The following MSTO1 variants were observed in gnomAD, a reference collection of about 807,000 sequenced individuals.
The protein encoded by MSTO1 is misato mitochondrial distribution and morphology regulator 1.
In MSTO1, 24 loss-of-function variants were observed where a neutral mutation model predicts 55.7. The ratio of observed to expected loss-of-function variants is 0.43; its 90% confidence interval spans 0.31 to 0.61. The LOEUF (loss-of-function observed/expected upper bound fraction) is 0.61. Among genes scored for constraint, MSTO1 ranks in the 20% least tolerant of loss-of-function variants. The pLI is 0.09. For missense variants in MSTO1, 363 were observed against 625.7 expected (o/e 0.58, Z 4.48); for synonymous variants, 162 against 252.8 (o/e 0.64, Z 3.41).
At chr1:155,576,069 G>C in the MSTO1 span, among the ~76,000 whole-genome samples, 3 of 151,972 alleles carry the variant, frequency 2.0e-5, no homozygotes, top group Non-Finnish European at 4.4e-5. Context: ...TGATCCGCCT[G>C]CTTCGGCCTC....
At chr1:155,567,335 G>A in the MSTO1 span, among the ~76,000 whole-genome samples, 1 of 142,428 alleles carries the variant, frequency 7.0e-6, no homozygotes, top group South Asian at 2.2e-4. Flanking sequence ...TTTTTGAGAC[G>A]GAGTCTCGTT....
the MSTO1 span, among the ~76,000 whole-genome samples, chr1:155,565,209 C>T: frequency 1.3e-4 from 20 of 150,276 alleles, 1 homozygote; most frequent in African/African-American, 4.2e-4. Context: ...GCAGGAGAGT[C>T]GCTTGAACCC....
chr1:155,585,103 G>C, the MSTO1 span, among the ~76,000 whole-genome samples: 1 of 152,094 alleles, frequency 6.6e-6, no homozygotes, highest in Admixed American at 6.6e-5. Flanking sequence ...TTGATTATAA[G>C]GTCAGGGACT....
chr1:155,597,596 G>A, the MSTO1 span, among the ~76,000 whole-genome samples: 2 of 150,796 alleles, frequency 1.3e-5, no homozygotes, highest in East Asian at 2.0e-4. Flanking sequence ...TGCAACCTCC[G>A]CCTCCCGGGT....
the MSTO1 span, among the ~76,000 whole-genome samples, chr1:155,586,306 G>A: frequency 4.0e-5 from 6 of 150,328 alleles, no homozygotes; most frequent in African/African-American, 1.5e-4. Flanking sequence ...GCCTCCCTAA[G>A]TGCTGGGATT....
chr1:155,612,388 G>A (rs1159544635), intron 8 of MSTO1, 30 bp from the exon 9 acceptor site: 1 of 1,597,700 alleles, frequency 6.3e-7, no homozygotes, highest in East Asian at 2.2e-5. Context: ...TGGGAGAGCT[G>A]CTTAATACAA....
the MSTO1 span, among the ~76,000 whole-genome samples, chr1:155,595,124 C>T: frequency 1.5e-5 from 2 of 135,056 alleles, no homozygotes; most frequent in Non-Finnish European, 3.1e-5. Flanking sequence ...GGCGACAGAG[C>T]GAGATTCTGT....
In MSTO1 at chr1:155,612,584, C is replaced by G; in HGVS notation, c.966+14C>G. 2 of 1,601,420 alleles carry G rather than the reference C, an allele frequency of 1.2e-6. No individual in the cohort carries two copies. The highest frequency in any genetic ancestry group is 8.5e-7 in the Non-Finnish European group (1 of 1,174,896). ...CTGCATTATGATGTAAGTCTCGGTG[C>G]TCTTGTTCTGACTGCGGCAGGCTAC... On this transcript the variant is annotated intron_variant, in intron 9 of 13. Transcript: ENST00000245564.
In MSTO1 at chr1:155,610,764, CAGTG is replaced by C. The variant is rs1472290594; in HGVS notation, c.220+207_220+210del. On this transcript the variant is annotated intron_variant, in intron 2 of 13. Transcript: ENST00000245564. ...GGAATAGGCTGCTAGGCCCTGGAGACAGTGAGGACTTGAACTGCAGCACTCCTGT... is the reference window on the plus strand; with the variant it reads ...GGAATAGGCTGCTAGGCCCTGGAGACAGGACTTGAACTGCAGCACTCCTGT... 8.4e-6 allele frequency: 4 copies of C among 475,242 alleles called. No individual in the cohort carries two copies. In the African/African-American group the frequency reaches 1.0e-4, roughly 12 times the overall value. 29.4% of individuals were successfully genotyped at this position (475,242 alleles called of 1,614,324 possible). A position where few individuals can be genotyped will look rare whatever the true frequency, so the allele number is the denominator to read the frequency against.
At chr1:155,588,157 C>T in the MSTO1 span, among the ~76,000 whole-genome samples, 1 of 150,236 alleles carries the variant, frequency 6.7e-6, no homozygotes, top group Non-Finnish European at 1.5e-5. Context: ...TGCAGTGAGC[C>T]GTGACTGAGC....
the MSTO1 span, among the ~76,000 whole-genome samples, chr1:155,578,140 G>C: frequency 6.6e-6 from 1 of 151,944 alleles, no homozygotes; most frequent in Admixed American, 6.6e-5. Context: ...TGTGTTCTCC[G>C]TATGAAGCAC....
At chr1:155,607,236 G>A (rs184206660), upstream of MSTO1, among the ~76,000 whole-genome samples, 4 of 151,798 alleles carry the variant, frequency 2.6e-5, no homozygotes, top group Admixed American at 6.6e-5. Context: ...GTGCTATGGC[G>A]CGATCTTGGC....
chr1:155,594,530 CTTGAA>C, the MSTO1 span, among the ~76,000 whole-genome samples: 6 of 152,066 alleles, frequency 3.9e-5, no homozygotes, highest in Admixed American at 1.3e-4. Flanking sequence ...AAACTAGAAA[CTTGAA>C]TTGAAGTCAT....
the MSTO1 span, among the ~76,000 whole-genome samples, chr1:155,590,195 G>C: frequency 1.3e-5 from 2 of 152,134 alleles, no homozygotes; most frequent in East Asian, 3.9e-4. Context: ...AGCTCCAGAG[G>C]CCTGAGTACG....
chr1:155,611,380 A>C (rs1323790026), intron 4 of MSTO1, 89 bp downstream of exon 4: 1 of 1,612,056 alleles, frequency 6.2e-7, no homozygotes, highest in Non-Finnish European at 8.5e-7. Context: ...TAATCATTTT[A>C]AGTGTCTTAG....
chr1:155,586,994 T>C, the MSTO1 span, among the ~76,000 whole-genome samples: 6 of 152,126 alleles, frequency 3.9e-5, no homozygotes, highest in African/African-American at 1.4e-4. Context: ...GTTATCCACC[T>C]GCCTCAGTCC....
At chr1:155,567,832 C>G in the MSTO1 span, among the ~76,000 whole-genome samples, 1 of 151,154 alleles carries the variant, frequency 6.6e-6, no homozygotes. Context: ...GCCAGAAGTT[C>G]GAGACCAGCC....
At chr1:155,587,492 C>T in the MSTO1 span, among the ~76,000 whole-genome samples, 1 of 150,680 alleles carries the variant, frequency 6.6e-6, no homozygotes, top group African/African-American at 2.4e-5. Flanking sequence ...GCCTGTAATC[C>T]CAGCACTTTG....
At chr1:155,613,871 T>A in intron 13 of MSTO1, 105 bp downstream of exon 13, 1 of 1,005,726 alleles carries the variant, frequency 9.9e-7, no homozygotes, top group Non-Finnish European at 1.5e-6. Context: ...AAACATTCCT[T>A]TATTCACCCT....
Sources: allele counts gnomAD v4.1 joint callset (sites outside exome capture counted in the v4.1 genomes callset), GRCh38; gene constraint gnomAD v4.1.1; transcripts MANE v1.5; gene names NCBI Gene and HGNC (gene_info 2026-07-23, HGNC 2026-07-21).